Variants in BANP observed in about 807,000 individuals in gnomAD.
The protein encoded by BANP is BTG3 associated nuclear protein.
A neutral mutation model predicts 68.1 loss-of-function variants in BANP; 11 were observed. That is an observed-to-expected ratio of 0.16 (90% confidence interval 0.10 to 0.27). The LOEUF is 0.27. BANP is among the 10% of genes least tolerant of loss of function. BANP has a pLI of 1.00. For missense variants in BANP, 504 were observed against 722.7 expected (o/e 0.70, Z 3.47); for synonymous variants, 329 against 303.2 (o/e 1.09, Z -0.88).
At chr16:88,042,582 G>T (rs1203612681) in intron 11 of BANP, among the ~76,000 whole-genome samples, 5 of 152,264 alleles carry the variant, frequency 3.3e-5, no homozygotes, top group Non-Finnish European at 7.3e-5. Context: ...AAGAGAAGGT[G>T]AAGGGCTTCC....
At chr16:88,020,094 G>A (rs1242544816) in intron 7 of BANP, among the ~76,000 whole-genome samples, 4 of 152,216 alleles carry the variant, frequency 2.6e-5, no homozygotes, top group Non-Finnish European at 4.4e-5. Flanking sequence ...CCTCCTCACA[G>A]CTTCTCAGCG....
chr16:88,020,334 C>T (rs756485988), intron 7 of BANP, among the ~76,000 whole-genome samples: 61 of 152,258 alleles, frequency 4.0e-4, no homozygotes, highest in Non-Finnish European at 6.3e-4. Flanking sequence ...ACCCCCTCCA[C>T]CCTCTGCTTT....
At chr16:87,993,777 T>G (rs1280272211) in intron 4 of BANP, among the ~76,000 whole-genome samples, 1 of 152,134 alleles carries the variant, frequency 6.6e-6, no homozygotes, top group Non-Finnish European at 1.5e-5. Context: ...TTTTTTGTAT[T>G]TATATTACAG....
chr16:88,062,297 C>G (rs900486275), intron 11 of BANP, among the ~76,000 whole-genome samples: 2 of 152,146 alleles, frequency 1.3e-5, no homozygotes, highest in Non-Finnish European at 2.9e-5. Context: ...GGGCTTCTTG[C>G]GTTGACCTTA....
chr16:87,991,277 A>G (rs140888141), intron 4 of BANP, among the ~76,000 whole-genome samples: 156 of 152,374 alleles, frequency 1.0e-3, no homozygotes, highest in African/African-American at 3.7e-3. Context: ...ACATAATTGT[A>G]TGATACAGTT....
chr16:87,990,939 T>G (rs189337322), intron 4 of BANP, among the ~76,000 whole-genome samples: 18 of 152,296 alleles, frequency 1.2e-4, no homozygotes, highest in Non-Finnish European at 2.2e-4. Flanking sequence ...ATTTTTTGTA[T>G]TTTTAGTAGA....
intron 2 of BANP, among the ~76,000 whole-genome samples, chr16:87,980,119 A>G (rs1414154864): frequency 6.6e-6 from 1 of 152,200 alleles, no homozygotes; most frequent in African/African-American, 2.4e-5. Context: ...GGAGTGCACT[A>G]GACAGTTCAC....
intron 4 of BANP, among the ~76,000 whole-genome samples, chr16:87,990,847 C>T (rs1164012329): frequency 6.6e-6 from 1 of 152,160 alleles, no homozygotes; most frequent in Non-Finnish European, 1.5e-5. Flanking sequence ...ACTGCAACCT[C>T]CGCCTCCCAG....
At chr16:87,989,769 T>C (rs57130077) in intron 4 of BANP, among the ~76,000 whole-genome samples, 2,971 of 52,876 alleles carry the variant, frequency 0.056, 39 homozygotes, top group East Asian at 0.11. Context: ...ACAGGGCGGG[T>C]GACGGGGGAT....
At chr16:87,988,599 T>C (rs2065070116) in intron 4 of BANP, among the ~76,000 whole-genome samples, 1 of 152,132 alleles carries the variant, frequency 6.6e-6, no homozygotes, top group African/African-American at 2.4e-5. Context: ...ATTAGAAGTA[T>C]GTAAGTCACA....
intron 2 of BANP, among the ~76,000 whole-genome samples, chr16:87,979,556 A>G (rs936968824): frequency 6.6e-6 from 1 of 152,176 alleles, no homozygotes. Flanking sequence ...GCTGGGGCAC[A>G]GCACCAGCAG....
intron 11 of BANP, among the ~76,000 whole-genome samples, chr16:88,048,298 C>G (rs7498431): frequency 0.46 from 69,765 of 152,134 alleles, 18,951 homozygotes; most frequent in Non-Finnish European, 0.6. Context: ...AATAACTAAT[C>G]TGCCTCATTG....
intron 1 of BANP, among the ~76,000 whole-genome samples, chr16:87,953,951 C>T (rs939049398): frequency 2.0e-5 from 3 of 152,228 alleles, no homozygotes; most frequent in Non-Finnish European, 2.9e-5. Context: ...TCCCTGAACG[C>T]TCTTGGATCT....
At chr16:88,037,836 G>T in intron 10 of BANP, 137 bp from the exon 11 acceptor site, 1 of 770,612 alleles carries the variant, frequency 1.3e-6, no homozygotes, top group South Asian at 1.5e-5. Flanking sequence ...GTTGCTACTG[G>T]AGGTTGAATT....
At chr16:88,066,479 G>A (rs2088648601) in intron 12 of BANP, among the ~76,000 whole-genome samples, 1 of 152,178 alleles carries the variant, frequency 6.6e-6, no homozygotes, top group South Asian at 2.1e-4. Context: ...GAGCTCGAAG[G>A]AACCCAGCTT....
Position 88,018,295 on chromosome 16 carries a change from A to C in BANP, c.656-133A>C. ...CTCCAGCGCTCTTGGTGACTGCCTCACAAGTTACGAGGGATTTGCCCAGCC... is the reference window on the plus strand; with the variant it reads ...CTCCAGCGCTCTTGGTGACTGCCTCCCAAGTTACGAGGGATTTGCCCAGCC... On this transcript the variant is annotated intron_variant, in intron 6 of 13. Transcript: ENST00000682872. The surrounding 1 kb of genome is among the most constrained non-coding windows in gnomAD (Gnocchi z 7.7). 1 of 1,176,924 alleles carries C rather than the reference A, an allele frequency of 8.5e-7. No homozygotes were observed. The highest frequency in any genetic ancestry group is 1.2e-6 in the Non-Finnish European group (1 of 839,790). The allele number at this position is 1,176,924 out of a possible 1,614,324, so 72.9% of individuals were successfully genotyped here.
intron 11 of BANP, among the ~76,000 whole-genome samples, chr16:88,051,328 G>T (rs1486876805): frequency 1.3e-5 from 2 of 152,238 alleles, no homozygotes; most frequent in African/African-American, 4.8e-5. Context: ...CAGGGTGTGG[G>T]TGGGGTACGG....
chr16:87,965,569 G>A (rs911167361), intron 1 of BANP, among the ~76,000 whole-genome samples: 1 of 150,152 alleles, frequency 6.7e-6, no homozygotes, highest in Non-Finnish European at 1.5e-5. Context: ...TAAGCCCGAG[G>A]CGCAGAGGGT....
intron 2 of BANP, among the ~76,000 whole-genome samples, chr16:87,979,220 C>T (rs1226261788): frequency 6.6e-6 from 1 of 152,076 alleles, no homozygotes; most frequent in Non-Finnish European, 1.5e-5. Context: ...GTATGTAACA[C>T]GTCTGAGGGG....
Sources: allele counts gnomAD v4.1 joint callset (sites outside exome capture counted in the v4.1 genomes callset), GRCh38; gene constraint gnomAD v4.1.1; non-coding constraint Gnocchi (gnomAD v3.1); transcripts MANE v1.5; gene names NCBI Gene and HGNC (gene_info 2026-07-23, HGNC 2026-07-21).